Variants in DLG3 observed in about 807,000 individuals in gnomAD.
DLG3 encodes the protein disks large homolog 3.
Under a neutral mutation model 64.1 loss-of-function variants are expected in DLG3, and 1 was observed. That is an observed-to-expected ratio of 0.02 (90% confidence interval 0.01 to 0.07). DLG3 has a LOEUF of 0.07. DLG3 is among the 10% of genes least tolerant of loss of function. The pLI is 1.00. For missense variants in DLG3, 429 were observed against 669.5 expected, an observed-to-expected ratio of 0.64 and a Z score of 3.96; for synonymous variants, 245 against 259.8, an observed-to-expected ratio of 0.94 and a Z score of 0.55.
chrX:70,460,385 G>A (rs1018987552), intron 9 of DLG3, among the ~76,000 whole-genome samples: 3 of 110,918 alleles, frequency 2.7e-5, no homozygotes, highest in African/African-American at 9.8e-5. Flanking sequence ...CTGCTGGGAA[G>A]CCTGAGGGAG....
At chrX:70,449,328 A>G in intron 2 of DLG3, 31 bp from the exon 3 acceptor site, 1 of 1,211,234 alleles carries the variant, frequency 8.3e-7, no homozygotes, top group South Asian at 1.8e-5. Flanking sequence ...CTCAGAGTGA[A>G]CAGACTGTGC....
At chrX:70,448,627 C>A in intron 1 of DLG3, 22 of 1,164,582 alleles carry the variant, frequency 1.9e-5, no homozygotes, top group Non-Finnish European at 2.4e-5. Flanking sequence ...TGAAGCACAG[C>A]CTCTCGGTGA....
chrX:70,453,558 G>A, intron 7 of DLG3, 79 bp from the exon 8 acceptor site: 7 of 1,173,091 alleles, frequency 6.0e-6, no homozygotes, highest in Non-Finnish European at 8.0e-6. Flanking sequence ...AGCAAGTATG[G>A]ACCTTGTTCC....
chrX:70,451,331 G>A (rs904707509), intron 6 of DLG3, among the ~76,000 whole-genome samples: 9 of 111,181 alleles, frequency 8.1e-5, no homozygotes, highest in Non-Finnish European at 1.7e-4. Flanking sequence ...TCGATCTCCT[G>A]ACCTCGTGAT....
In DLG3 at chrX:70,502,925, TA is replaced by T. The variant is rs2087591951; in HGVS notation, c.*657del. The T allele has an allele frequency of 9.0e-6, 1 of 110,928 alleles. No individual in the cohort carries two copies. Among genetic ancestry groups the T allele is most frequent in the African/African-American group, 3.3e-5 (1 of 30,424 alleles). The allele number at this position is 110,928 out of a possible 1,213,427, so 9.1% of individuals were successfully genotyped here. A position where few individuals can be genotyped will look rare whatever the true frequency, so the allele number is the denominator to read the frequency against. ...TATTAGAGAAATGCTTTAATTTTCA[TA>T]TTCCAATCAGATGGCATCTTCTATC... On this transcript the variant is annotated 3_prime_UTR_variant, in exon 19 of 19. Transcript: ENST00000374360.
intron 9 of DLG3, among the ~76,000 whole-genome samples, chrX:70,457,234 C>G (rs1478215319): frequency 2.7e-5 from 3 of 111,254 alleles, no homozygotes; most frequent in Non-Finnish European, 5.6e-5. Context: ...GGACCTAACA[C>G]CTAGTTAAAA....
rs5980954 is a variant in DLG3, at chrX:70,493,570, C to T, written c.1773+974C>T. 2.4e-3 allele frequency: 1,752 copies of T among 715,898 alleles called. 23 individuals are homozygous for T. In the African/African-American group the frequency reaches 0.033, roughly 13 times the overall value. The allele number at this position is 715,898 out of a possible 1,213,427, so 59.0% of individuals were successfully genotyped here. On this transcript the variant is annotated intron_variant, in intron 12 of 18. Transcript: ENST00000374360. ...CTCGAGAGAAGCCTGGGCAGGGCCA[C>T]GTGTGGCCTCGTGCCTGCCTGTGTG... is the stretch of plus-strand genomic sequence containing the variant.
At chrX:70,448,984 A>G in intron 2 of DLG3, 21 bp downstream of exon 2, 4 of 1,203,251 alleles carry the variant, frequency 3.3e-6, no homozygotes, top group Non-Finnish European at 4.5e-6. Flanking sequence ...CAGTGGGGAA[A>G]AGCGGAAAGG....
At position 70,445,033 on chromosome X, in the gene DLG3, C is replaced by T; in HGVS notation, c.-169C>T. ...CCGAGGCCCCGGGACGCCCGCCCGG[C>T]CCCAGGCCCCGCTCAGCCCGGGCGC... On this transcript the variant is annotated 5_prime_UTR_variant, in exon 1 of 19. Transcript: ENST00000374360. 3.3e-6 allele frequency: 1 copy of T among 306,968 alleles called. No homozygotes were observed. The highest frequency in any genetic ancestry group is 5.5e-6 in the Non-Finnish European group (1 of 183,249). 25.3% of individuals were successfully genotyped at this position (306,968 alleles called of 1,213,427 possible).
At position 70,445,051 on chromosome X, in the gene DLG3, C is replaced by G. The variant is rs1016307453; in HGVS notation, c.-151C>G. On this transcript the variant is annotated 5_prime_UTR_variant, in exon 1 of 19. Transcript: ENST00000374360. ...CGCCCGGCCCCAGGCCCCGCTCAGC[C>G]CGGGCGCCCCCACGGGTGCCCCCCC... 1.1e-5 allele frequency: 4 copies of G among 379,871 alleles called. No homozygotes were observed. The highest frequency in any genetic ancestry group is 1.3e-5 in the Non-Finnish European group (3 of 238,906). The allele number at this position is 379,871 out of a possible 1,213,427, so 31.3% of individuals were successfully genotyped here.
intron 10 of DLG3, among the ~76,000 whole-genome samples, chrX:70,490,554 C>A (rs1396175926): frequency 8.9e-6 from 1 of 112,357 alleles, no homozygotes; most frequent in Non-Finnish European, 1.9e-5. Context: ...ATTTTCAAAT[C>A]ATCTGACGCT....
At chrX:70,491,601 T>C (rs1176325419) in intron 10 of DLG3, among the ~76,000 whole-genome samples, 1 of 112,658 alleles carries the variant, frequency 8.9e-6, no homozygotes, top group Non-Finnish European at 1.9e-5. Flanking sequence ...CATTGGTCTT[T>C]TCAACCCTAC....
intron 9 of DLG3, among the ~76,000 whole-genome samples, chrX:70,475,643 A>G (rs1471031046): frequency 1.8e-5 from 2 of 112,313 alleles, no homozygotes; most frequent in Non-Finnish European, 3.8e-5. Context: ...AGAAAATGAA[A>G]AAAGCTTGCG....
At chrX:70,497,146 T>A in intron 13 of DLG3, 1 of 1,199,451 alleles carries the variant, frequency 8.3e-7, no homozygotes, top group Admixed American at 2.2e-5. Flanking sequence ...AGTGGTGTGT[T>A]CTGAATTGGA....
At chrX:70,494,423 A>T (rs146982180) in intron 12 of DLG3, among the ~76,000 whole-genome samples, 4 of 112,057 alleles carry the variant, frequency 3.6e-5, no homozygotes, top group Non-Finnish European at 7.5e-5. Flanking sequence ...TGGTTCTGAT[A>T]GGAAATGTCC....
chrX:70,464,820 G>A (rs1352762276), intron 9 of DLG3, among the ~76,000 whole-genome samples: 3 of 111,034 alleles, frequency 2.7e-5, no homozygotes, highest in African/African-American at 6.6e-5. Context: ...GCCAGGCGTG[G>A]TGGTACACCC....
chrX:70,455,181 C>G, intron 9 of DLG3: 1 of 753,974 alleles, frequency 1.3e-6, no homozygotes, highest in Non-Finnish European at 1.6e-6. Context: ...CGCTTTGTGT[C>G]CGTGGTCTCC....
Position 70,445,524 on chromosome X carries a change from A to G in DLG3, c.323A>G (p.Glu108Gly). ...GGCAGCGGCCCCAGCTGGTGGCCAGAGTGCACCTGTACCAACCGGGACTGG... is the reference window on the plus strand; with the variant it reads ...GGCAGCGGCCCCAGCTGGTGGCCAGGGTGCACCTGTACCAACCGGGACTGG... ...LNGSGPSWWP[E>G]CTCTNRDWYE... Residue 108 changes from glutamate (E) to glycine (G), a missense_variant, in exon 1 of 19, where the codon GAG (glutamate) becomes GGG (glycine). Transcript: ENST00000374360. The G allele has an allele frequency of 2.5e-6, 3 of 1,187,859 alleles. No individual in the cohort carries two copies. Among genetic ancestry groups the G allele is most frequent in the Non-Finnish European group, 3.4e-6 (3 of 883,792 alleles).
At chrX:70,490,017 C>T (rs2087329482) in intron 10 of DLG3, among the ~76,000 whole-genome samples, 1 of 110,652 alleles carries the variant, frequency 9.0e-6, no homozygotes, top group Non-Finnish European at 1.9e-5. Flanking sequence ...TGCCCGCTAC[C>T]ATGCCCGGCC....
Sources: gnomAD v4.1 joint callset for allele counts (sites outside exome capture counted in the v4.1 genomes callset) on GRCh38, gnomAD v4.1.1 for gene constraint, MANE v1.5 for transcripts, NCBI Gene and HGNC (gene_info 2026-07-23, HGNC 2026-07-21) for gene names.